The following CDC42SE2 variants were observed in gnomAD, a reference collection of about 807,000 sequenced individuals.
CDC42SE2 encodes the protein CDC42 small effector protein 2.
Under a neutral mutation model 11.5 loss-of-function variants are expected in CDC42SE2, and 3 were observed. The ratio of observed to expected loss-of-function variants is 0.26; its 90% CI spans 0.12 to 0.67. The LOEUF is 0.67. Ranked by LOEUF, CDC42SE2 falls within the 30% of genes least tolerant of loss-of-function variation. The pLI, the probability that CDC42SE2 is intolerant of heterozygous loss-of-function variation, is 0.80. For missense variants in CDC42SE2, 82 were observed against 106.8 expected, an observed-to-expected ratio of 0.77 and a Z score of 1.02; for synonymous variants, 33 against 34.8, an observed-to-expected ratio of 0.95 and a Z score of 0.18.
intron 4 of CDC42SE2, among the ~76,000 whole-genome samples, chr5:131,390,450 C>T (rs1169205077): frequency 2.0e-5 from 3 of 151,868 alleles, no homozygotes; most frequent in African/African-American, 2.4e-5. Flanking sequence ...TTTGGGAGGC[C>T]GAAGCAGTCG....
At chr5:131,275,656 TTTTTCTTTTC>T (rs61129956) in intron 1 of CDC42SE2, among the ~76,000 whole-genome samples, 205 of 150,626 alleles carry the variant, frequency 1.4e-3, no homozygotes, top group South Asian at 2.5e-3. Context: ...AACTTCATTA[TTTTTCTTTTC>T]TTTTCTTTTC....
chr5:131,332,521 T>A, intron 2 of CDC42SE2, among the ~76,000 whole-genome samples: 1 of 152,106 alleles, frequency 6.6e-6, no homozygotes, highest in Non-Finnish European at 1.5e-5. Context: ...TTTCTAGTTC[T>A]AGATCCCTGA....
intron 2 of CDC42SE2, among the ~76,000 whole-genome samples, chr5:131,357,063 A>T (rs935911741): frequency 2.0e-5 from 3 of 152,140 alleles, no homozygotes; most frequent in African/African-American, 7.2e-5. Flanking sequence ...AGAGGATTGG[A>T]TGGAGGAAAT....
chr5:131,312,896 G>A (rs112713811), intron 1 of CDC42SE2, among the ~76,000 whole-genome samples: 254 of 152,238 alleles, frequency 1.7e-3, no homozygotes, highest in African/African-American at 5.7e-3. Flanking sequence ...GAAATCACCC[G>A]TCTTCTGTGT....
chr5:131,248,201 G>A (rs750703665), intron 1 of CDC42SE2, among the ~76,000 whole-genome samples: 7 of 151,822 alleles, frequency 4.6e-5, no homozygotes, highest in South Asian at 2.1e-4. Flanking sequence ...ATACAGTGGC[G>A]CGATCCCAGC....
intron 2 of CDC42SE2, among the ~76,000 whole-genome samples, chr5:131,340,797 C>G (rs1219061961): frequency 6.6e-6 from 1 of 151,964 alleles, no homozygotes; most frequent in Non-Finnish European, 1.5e-5. Context: ...TGTGCCTCAG[C>G]CTCCCAAATA....
At chr5:131,269,048 G>A (rs567499037) in intron 1 of CDC42SE2, among the ~76,000 whole-genome samples, 2 of 152,004 alleles carry the variant, frequency 1.3e-5, no homozygotes, top group African/African-American at 2.4e-5. Context: ...CGTGCCAGGC[G>A]AGGAATTTAG....
the CDC42SE2 span, among the ~76,000 whole-genome samples, chr5:131,238,321 AC>A: frequency 2.6e-5 from 4 of 151,384 alleles, no homozygotes; most frequent in Non-Finnish European, 5.9e-5. Context: ...CACGGTGAAA[AC>A]CCGTCTCTAC....
chr5:131,276,548 G>A (rs1043873423), intron 1 of CDC42SE2, among the ~76,000 whole-genome samples: 7 of 152,068 alleles, frequency 4.6e-5, no homozygotes, highest in African/African-American at 1.7e-4. Flanking sequence ...AATTATTCTC[G>A]ATAAACCAGT....
chr5:131,357,353 C>T (rs377155419), intron 2 of CDC42SE2, among the ~76,000 whole-genome samples: 2 of 152,174 alleles, frequency 1.3e-5, no homozygotes, highest in African/African-American at 4.8e-5. Context: ...GAATTCATGC[C>T]TTGTTATACT....
intron 1 of CDC42SE2, among the ~76,000 whole-genome samples, chr5:131,249,883 T>C (rs1416600894): frequency 1.3e-5 from 2 of 150,218 alleles, no homozygotes; most frequent in African/African-American, 4.9e-5. Flanking sequence ...ATGCTGTCTC[T>C]AAAAAAAAAG....
chr5:131,305,870 G>A (rs983618329), intron 1 of CDC42SE2, among the ~76,000 whole-genome samples: 2 of 152,130 alleles, frequency 1.3e-5, no homozygotes, highest in African/African-American at 4.8e-5. Flanking sequence ...TTTTCTTCTA[G>A]TAGTTTGACA....
At position 131,306,446 on chromosome 5, in the gene CDC42SE2, T is replaced by C. The variant is rs1757779648; in HGVS notation, c.-454-9530T>C. 3.9e-5 allele frequency among the ~76,000 whole-genome samples: 6 copies of C among 152,198 alleles called. 1 individual carries two copies. The South Asian group carries it at 1.2e-3, about 32-fold the overall frequency. ...TTTCTGGGCTTTCTATCCTGTTCTG[T>C]TGGTCAGTATTTCCGTTTTTATGCC... is the stretch of plus-strand genomic sequence containing the variant. On this transcript the variant is annotated intron_variant, in intron 1 of 4. Coordinates refer to ENST00000505065, the MANE Select transcript of CDC42SE2 (RefSeq NM_001375635.1).
intron 2 of CDC42SE2, among the ~76,000 whole-genome samples, chr5:131,336,174 A>C (rs1343402148): frequency 1.3e-5 from 2 of 152,194 alleles, no homozygotes; most frequent in African/African-American, 2.4e-5. Flanking sequence ...GTGGTGACAA[A>C]ATCTCTCAGC....
chr5:131,235,449 C>T, the CDC42SE2 span, among the ~76,000 whole-genome samples: 3 of 151,428 alleles, frequency 2.0e-5, no homozygotes, highest in South Asian at 4.2e-4. Flanking sequence ...ACCACCACAC[C>T]CAGCTAATTT....
chr5:131,307,501 A>C (rs1366061709), intron 1 of CDC42SE2, among the ~76,000 whole-genome samples: 1 of 151,996 alleles, frequency 6.6e-6, no homozygotes, highest in Non-Finnish European at 1.5e-5. Context: ...AGTCTTTGCT[A>C]TTGTGAATAA....
At chr5:131,345,777 C>T (rs193271214) in intron 2 of CDC42SE2, among the ~76,000 whole-genome samples, 55 of 152,284 alleles carry the variant, frequency 3.6e-4, no homozygotes, top group East Asian at 1.3e-3. Flanking sequence ...CAAAGGGAAG[C>T]CCATCAGACT....
chr5:131,274,653 C>A (rs527991912), intron 1 of CDC42SE2, among the ~76,000 whole-genome samples: 31 of 152,130 alleles, frequency 2.0e-4, no homozygotes, highest in Non-Finnish European at 4.6e-4. Flanking sequence ...ATACTTAATA[C>A]CTAAGTATTC....
the CDC42SE2 span, among the ~76,000 whole-genome samples, chr5:131,225,785 C>T: frequency 6.6e-6 from 1 of 152,088 alleles, no homozygotes; most frequent in Non-Finnish European, 1.5e-5. Context: ...TCACAGCAGG[C>T]CTCAGGAGGT....
Sources: gnomAD v4.1 joint callset for allele counts (sites outside exome capture counted in the v4.1 genomes callset) on GRCh38, gnomAD v4.1.1 for gene constraint, MANE v1.5 for transcripts, NCBI Gene and HGNC (gene_info 2026-07-23, HGNC 2026-07-21) for gene names.